The following ZER1 variants were observed in gnomAD, a reference collection of about 807,000 sequenced individuals.
ZER1 encodes the protein zyg-11 related cell cycle regulator.
ZER1 carries 11 observed loss-of-function variants against 78.8 expected under a neutral mutation model. The observed-to-expected ratio is 0.14, with a 90% CI of 0.09 to 0.23. The LOEUF is 0.23. Ranked by LOEUF, ZER1 falls within the 10% of genes least tolerant of loss-of-function variation. ZER1 has a pLI of 1.00. For missense variants in ZER1, 588 were observed against 996.9 expected (o/e 0.59, Z 5.52); for synonymous variants, 400 against 407.0 (o/e 0.98, Z 0.21).
chr9:128,753,064 C>G lies in ZER1; in HGVS notation c.746+100G>C. ...TCTTCATCCCCACCCTCTGCCTAGC[C>G]AAGCGCTCCTGAACCCTGAGGGCGT... On this transcript the variant is annotated intron_variant, in intron 4 of 15. Coordinates refer to ENST00000291900, the MANE Select transcript of ZER1 (RefSeq NM_006336.4). This position sits in a 1 kb window ranked among gnomAD's most constrained non-coding sequence, Gnocchi z 7.5. 7.6e-7 allele frequency: 1 copy of G among 1,307,672 alleles called. No homozygotes were observed. The highest frequency in any genetic ancestry group is 1.0e-6 in the Non-Finnish European group (1 of 977,458). The allele number at this position is 1,307,672 out of a possible 1,614,324, so 81.0% of individuals were successfully genotyped here.
At chr9:128,738,999 G>A (rs1863192900) in intron 13 of ZER1, among the ~76,000 whole-genome samples, 1 of 151,276 alleles carries the variant, frequency 6.6e-6, no homozygotes, top group East Asian at 2.0e-4. Context: ...TTACAGGTAT[G>A]TGCCACCACG....
rs115826756 is a variant in ZER1, at chr9:128,733,320, G to A, written c.2243+106C>T. 51 of 910,872 alleles carry A rather than the reference G, an allele frequency of 5.6e-5. No individual in the cohort carries two copies. The African/African-American group carries it at 7.9e-4, about 14-fold the overall frequency. The allele number at this position is 910,872 out of a possible 1,614,324, so 56.4% of individuals were successfully genotyped here. ...TGTCAACCTCCATACTCAACTCTAA[G>A]CTGTCCCTGGGAATTTCAGCCATTC... On this transcript the variant is annotated intron_variant, in intron 15 of 15. Transcript: ENST00000291900.
intron 8 of ZER1, among the ~76,000 whole-genome samples, chr9:128,747,070 G>C (rs999822701): frequency 6.6e-6 from 1 of 151,952 alleles, no homozygotes; most frequent in African/African-American, 2.4e-5. Context: ...GTGGTGGCAT[G>C]CTCCTGTAGT....
intron 1 of ZER1, among the ~76,000 whole-genome samples, chr9:128,758,066 T>C (rs1034326774): frequency 3.3e-5 from 5 of 151,974 alleles, no homozygotes; most frequent in Admixed American, 2.0e-4. Context: ...CACAAACTCC[T>C]GTTAACAGCT....
rs373465538 is a variant in ZER1 at position 128,731,329 on chromosome 9, G to A, written c.*8C>T. 2.1e-5 allele frequency: 34 copies of A among 1,611,286 alleles called. No individual in the cohort carries two copies. The highest frequency in any genetic ancestry group is 1.7e-4 in the Middle Eastern group (1 of 6,052). ...CCAGAGCGGTGGCGGCCATGGGGAC[G>A]GAGGCCTCTATCTAGACGTGTCCAT... is the stretch of plus-strand genomic sequence containing the variant. On this transcript the variant is annotated 3_prime_UTR_variant, in exon 16 of 16. Coordinates refer to ENST00000291900, the MANE Select transcript of ZER1 (RefSeq NM_006336.4).
chr9:128,743,282 A>AT lies in ZER1; in HGVS notation c.1360-538dup, dbSNP rs1308320129. Among the ~76,000 whole-genome samples the AT allele has an allele frequency of 1.9e-4, 29 of 151,212 alleles. 1 individual carries two copies. The highest frequency in any genetic ancestry group is 1.9e-3 in the Admixed American group (29 of 15,188). On this transcript the variant is annotated intron_variant, in intron 8 of 15. Transcript: ENST00000291900. ...ACAGGCGTGCCACCATGCCCGGCTA[A>AT]TTTTTGTATTTTTAGTAGAGATGGG...
At chr9:128,741,925 G>A in intron 9 of ZER1, 84 bp from the exon 10 acceptor site, 2 of 1,559,244 alleles carry the variant, frequency 1.3e-6, no homozygotes, top group Middle Eastern at 1.7e-4. Context: ...GGGAGGCTCA[G>A]CAACGCCATG....
intron 8 of ZER1, among the ~76,000 whole-genome samples, chr9:128,747,218 T>C (rs147702993): frequency 3.6e-4 from 54 of 152,006 alleles, no homozygotes; most frequent in Middle Eastern, 3.4e-3. Context: ...AGAAAAAATA[T>C]ACACACACAC....
intron 15 of ZER1, among the ~76,000 whole-genome samples, chr9:128,731,915 C>G (rs937028077): frequency 6.6e-6 from 1 of 152,214 alleles, no homozygotes; most frequent in Non-Finnish European, 1.5e-5. Context: ...GCTCAGCACT[C>G]CAGCTCAGAT....
chr9:128,765,175 C>T (rs1864166923), intron 1 of ZER1, among the ~76,000 whole-genome samples: 3 of 152,028 alleles, frequency 2.0e-5, no homozygotes, highest in African/African-American at 7.3e-5. Flanking sequence ...AGGACAGAAG[C>T]TGTATGCTTG....
At chr9:128,768,903 T>C (rs1864297557) in intron 1 of ZER1, among the ~76,000 whole-genome samples, 1 of 152,154 alleles carries the variant, frequency 6.6e-6, no homozygotes. Flanking sequence ...CACCCTCATT[T>C]TGCCTATTTT....
At chr9:128,752,186 G>C (rs1391652520) in intron 5 of ZER1, among the ~76,000 whole-genome samples, 2 of 152,134 alleles carry the variant, frequency 1.3e-5, no homozygotes, top group Non-Finnish European at 2.9e-5. Flanking sequence ...CGGGGCCCTG[G>C]ATTGCCCCTA....
rs1222093443 is a variant in ZER1 at position 128,754,199 on chromosome 9, C to A, written c.159-240G>T. ...TAGGTGATGCAGGCGCCATCTCTCC[C>A]AGTGCACATGCCTGTCACACAGCCT... On this transcript the variant is annotated intron_variant, in intron 2 of 15. Coordinates refer to ENST00000291900, the MANE Select transcript of ZER1 (RefSeq NM_006336.4). The surrounding 1 kb of genome is among the most constrained non-coding windows in gnomAD (Gnocchi z 4.3). 1.3e-5 allele frequency among the ~76,000 whole-genome samples: 2 copies of A among 152,224 alleles called. No individual in the cohort carries two copies. Among genetic ancestry groups the A allele is most frequent in the African/African-American group, 4.8e-5 (2 of 41,466 alleles).
chr9:128,747,221 A>G (rs1340873758), intron 8 of ZER1, among the ~76,000 whole-genome samples: 2 of 152,118 alleles, frequency 1.3e-5, no homozygotes, highest in African/African-American at 4.8e-5. Context: ...AAAAATATAC[A>G]CACACACATA....
Position 128,751,226 on chromosome 9 carries a change from C to T in ZER1, c.1081G>A (p.Glu361Lys). The change falls in exon 7 of 16, where the codon GAG becomes AAG. Residue 361 changes from glutamate to lysine, a missense_variant. This residue lies in a region of ZER1 where 406 missense variants were observed against 660.1 expected (regional missense o/e 0.62). Coordinates refer to ENST00000291900, the MANE Select transcript of ZER1 (RefSeq NM_006336.4). The surrounding 1 kb of genome is among the most constrained non-coding windows in gnomAD (Gnocchi z 5.4). ...KNEEQVLNAIEAYTEHRPEIT... is the reference protein window; with the variant it reads ...KNEEQVLNAIKAYTEHRPEIT... ...TCAGGCCGGTGCTCCGTGTAGGCCT[C>T]GATGGCATTCAGCACCTGCTCTTCG... 6.2e-7 allele frequency: 1 copy of T among 1,604,940 alleles called. No homozygotes were observed.
intron 1 of ZER1, among the ~76,000 whole-genome samples, chr9:128,761,549 A>G (rs1417787833): frequency 1.3e-5 from 2 of 148,316 alleles, no homozygotes; most frequent in Non-Finnish European, 3.0e-5. Context: ...GCCTCCCAAA[A>G]TGGTGGAACT....
intron 1 of ZER1, among the ~76,000 whole-genome samples, chr9:128,759,038 C>A (rs959924224): frequency 1.1e-4 from 16 of 151,456 alleles, no homozygotes; most frequent in African/African-American, 3.6e-4. Context: ...TGCTCTGTCA[C>A]CAGGCTGGAG....
chr9:128,759,523 T>C lies in ZER1; in HGVS notation c.-94-3864A>G, dbSNP rs548706444. On this transcript the variant is annotated intron_variant, in intron 1 of 15. Transcript: ENST00000291900. ...AAGTTAAGAAAATGGCGGCTGGGCA[T>C]GGTGGCTCACGCCTGTAATCCCAGC... Among the ~76,000 whole-genome samples, 7 of 149,754 alleles carry C rather than the reference T, an allele frequency of 4.7e-5. No individual in the cohort carries two copies. The South Asian group carries it at 1.4e-3, about 29-fold the overall frequency.
At position 128,755,381 on chromosome 9, in the gene ZER1, C is replaced by T. The variant is rs749017137; in HGVS notation, c.158+27G>A. 3 of 1,612,648 alleles carry T rather than the reference C, an allele frequency of 1.9e-6. No homozygotes were observed. The Admixed American group carries it at 5.0e-5, about 27-fold the overall frequency. On this transcript the variant is annotated intron_variant, in intron 2 of 15. Transcript: ENST00000291900. This position sits in a 1 kb window ranked among gnomAD's most constrained non-coding sequence, Gnocchi z 5.6. ...ATACACATTCATGGTAAGACCCCTG[C>T]CCCTCCTCAGCCCTGGGTCTGCTCA...
Sources: gnomAD v4.1 joint callset for allele counts (sites outside exome capture counted in the v4.1 genomes callset) on GRCh38, gnomAD v4.1.1 for gene constraint, gnomAD v4.1.1 regional missense constraint, Gnocchi (gnomAD v3.1) non-coding constraint, MANE v1.5 for transcripts, NCBI Gene and HGNC (gene_info 2026-07-23, HGNC 2026-07-21) for gene names.